TMPRSS11E: variants seen among roughly 807,000 people sequenced by gnomAD.
The protein encoded by TMPRSS11E is transmembrane protease serine 11E.
Under a neutral mutation model 48.1 loss-of-function variants are expected in TMPRSS11E, and 38 were observed. The ratio of observed to expected loss-of-function variants is 0.79; its 90% confidence interval spans 0.61 to 1.04. The LOEUF is 1.04. Among genes scored for constraint, TMPRSS11E ranks in the 50% least tolerant of loss-of-function variants. The pLI is 0.00. For synonymous variants in TMPRSS11E, 158 were observed against 171.9 expected, an observed-to-expected ratio of 0.92 and a Z score of 0.63; for missense variants, 530 against 510.8, an observed-to-expected ratio of 1.04 and a Z score of -0.36.
intron 1 of TMPRSS11E, among the ~76,000 whole-genome samples, chr4:68,452,513 T>C (rs764442470): frequency 3.9e-5 from 6 of 151,988 alleles, no homozygotes; most frequent in African/African-American, 7.2e-5. Flanking sequence ...AAACCAAAAA[T>C]TAGGAAGACT....
intron 2 of TMPRSS11E, among the ~76,000 whole-genome samples, chr4:68,463,360 G>A (rs773548892): frequency 3.9e-5 from 6 of 152,032 alleles, no homozygotes; most frequent in Non-Finnish European, 8.8e-5. Flanking sequence ...GGAGTGCAGT[G>A]GCTCGATCTC....
intron 3 of TMPRSS11E, among the ~76,000 whole-genome samples, chr4:68,467,101 G>A (rs753370143): frequency 6.6e-6 from 1 of 151,920 alleles, no homozygotes; most frequent in Non-Finnish European, 1.5e-5. Context: ...AAGAGACCCC[G>A]AGCAGAAGAT....
intron 4 of TMPRSS11E, among the ~76,000 whole-genome samples, chr4:68,470,142 C>A (rs1729024104): frequency 2.0e-5 from 3 of 151,692 alleles, no homozygotes; most frequent in Non-Finnish European, 4.4e-5. Context: ...TGGAACTGAG[C>A]AGAAGATAGA....
intron 9 of TMPRSS11E, among the ~76,000 whole-genome samples, chr4:68,481,008 AT>A (rs1406116251): frequency 2.6e-5 from 4 of 152,088 alleles, no homozygotes; most frequent in African/African-American, 7.2e-5. Flanking sequence ...CTTTGTGTCC[AT>A]ATGTACTCAA....
chr4:68,492,871 T>C (rs1046354711), intron 9 of TMPRSS11E, among the ~76,000 whole-genome samples: 2 of 152,174 alleles, frequency 1.3e-5, no homozygotes, highest in Non-Finnish European at 1.5e-5. Context: ...ATTTGTCTTC[T>C]TGACGGTCAT....
Position 68,476,253 on chromosome 4 carries a change from T to C in TMPRSS11E, c.530-8T>C, listed in dbSNP as rs569660174. 1 of 1,613,770 alleles carries C rather than the reference T, an allele frequency of 6.2e-7. No homozygotes were observed. The highest frequency in any genetic ancestry group is 1.3e-5 in the African/African-American group (1 of 75,040). Reference sequence around the variant, plus strand: ...CCCACCAATGCACCCCCCCTCTCTCTTTTGCAGGCTGCGGAACACGAAGAA... The same window carrying C: ...CCCACCAATGCACCCCCCCTCTCTCCTTTGCAGGCTGCGGAACACGAAGAA... On this transcript the variant is annotated splice_region_variant and splice_polypyrimidine_tract_variant and intron_variant, in intron 6 of 9. Coordinates refer to ENST00000305363, the MANE Select transcript of TMPRSS11E (RefSeq NM_014058.4).
At chr4:68,452,622 G>A (rs1410026324) in intron 1 of TMPRSS11E, among the ~76,000 whole-genome samples, 1 of 151,934 alleles carries the variant, frequency 6.6e-6, no homozygotes, top group African/African-American at 2.4e-5. Context: ...CTTCTGCCAG[G>A]TCATGATTCT....
At position 68,477,474 on chromosome 4, in the gene TMPRSS11E, C is replaced by T. The variant is rs1011253935; in HGVS notation, c.813C>T (p.His271=). Residue 271 remains histidine (H), a synonymous_variant, in exon 8 of 10, where the codon CAC becomes CAT. Transcript: ENST00000305363. ...TAATTGTCCATGAAAAATACAAACA[C>T]CCATCACATGACTATGATATTTCTC... ...RRIIVHEKYK[H]PSHDYDISLA... is the part of the protein sequence containing the mutation. 3.1e-6 allele frequency: 5 copies of T among 1,613,822 alleles called. No homozygotes were observed. Among genetic ancestry groups the T allele is most frequent in the South Asian group, 2.2e-5 (2 of 91,074 alleles).
intron 9 of TMPRSS11E, among the ~76,000 whole-genome samples, chr4:68,488,901 T>C (rs569993325): frequency 1.3e-5 from 2 of 152,234 alleles, no homozygotes; most frequent in African/African-American, 4.8e-5. Flanking sequence ...ATTGATGCCA[T>C]AAGTTCCTTA....
intron 5 of TMPRSS11E, among the ~76,000 whole-genome samples, chr4:68,473,441 C>G (rs539938160): frequency 6.6e-6 from 1 of 151,972 alleles, no homozygotes; most frequent in Non-Finnish European, 1.5e-5. Context: ...CTTGCTGAAC[C>G]CCTGTGGATT....
chr4:68,455,312 T>G (rs1728599641), intron 1 of TMPRSS11E, among the ~76,000 whole-genome samples: 1 of 151,990 alleles, frequency 6.6e-6, no homozygotes, highest in Non-Finnish European at 1.5e-5. Context: ...AACATTAGCT[T>G]GGATGAAAAT....
At chr4:68,468,332 G>C (rs1235396457) in intron 3 of TMPRSS11E, among the ~76,000 whole-genome samples, 2 of 152,042 alleles carry the variant, frequency 1.3e-5, no homozygotes, top group Non-Finnish European at 2.9e-5. Context: ...TTTCACTTTA[G>C]TAGAGTAAAA....
intron 1 of TMPRSS11E, among the ~76,000 whole-genome samples, chr4:68,450,752 A>G (rs1484583879): frequency 1.3e-5 from 2 of 151,958 alleles, no homozygotes; most frequent in African/African-American, 4.8e-5. Flanking sequence ...TTTGTATTTA[A>G]ACTAAATAAA....
At chr4:68,460,867 A>G (rs1285319373) in intron 1 of TMPRSS11E, among the ~76,000 whole-genome samples, 4 of 149,446 alleles carry the variant, frequency 2.7e-5, no homozygotes, top group Non-Finnish European at 5.9e-5. Flanking sequence ...TCTCATGCAA[A>G]AAGAATTTCC....
intron 9 of TMPRSS11E, among the ~76,000 whole-genome samples, chr4:68,494,440 C>T (rs1452010078): frequency 2.0e-5 from 3 of 152,228 alleles, no homozygotes; most frequent in East Asian, 3.9e-4. Flanking sequence ...AGACTATTTT[C>T]CCACTTTACC....
At chr4:68,493,892 T>A (rs999844190) in intron 9 of TMPRSS11E, among the ~76,000 whole-genome samples, 4 of 152,158 alleles carry the variant, frequency 2.6e-5, no homozygotes, top group African/African-American at 7.2e-5. Context: ...TATGTAAAAA[T>A]TTTTCCTTGA....
chr4:68,488,951 A>G (rs1397304421), intron 9 of TMPRSS11E, among the ~76,000 whole-genome samples: 1 of 152,154 alleles, frequency 6.6e-6, no homozygotes, highest in Non-Finnish European at 1.5e-5. Flanking sequence ...GATGATCTTC[A>G]TTGACATCTG....
intron 9 of TMPRSS11E, 143 bp downstream of exon 9, chr4:68,479,134 A>G: frequency 1.1e-6 from 1 of 934,458 alleles, no homozygotes; most frequent in Non-Finnish European, 1.6e-6. Context: ...TACATCTCAC[A>G]TAACTATAGT....
chr4:68,483,248 CG>C (rs1729459170), intron 9 of TMPRSS11E, among the ~76,000 whole-genome samples: 1 of 150,682 alleles, frequency 6.6e-6, no homozygotes, highest in Non-Finnish European at 1.5e-5. Flanking sequence ...AAAGCAGGAG[CG>C]AGAGAGAGAG....
Sources: allele counts gnomAD v4.1 joint callset (sites outside exome capture counted in the v4.1 genomes callset), GRCh38; gene constraint gnomAD v4.1.1; transcripts MANE v1.5; gene names NCBI Gene and HGNC (gene_info 2026-07-23, HGNC 2026-07-21).